The following KCNAB1 variants were observed in gnomAD, a reference collection of about 807,000 sequenced individuals.
KCNAB1 encodes the protein potassium voltage-gated channel subfamily A regulatory beta subunit 1.
KCNAB1 carries 35 observed loss-of-function variants against 64.6 expected under a neutral mutation model. The observed-to-expected ratio is 0.54, with a 90% CI of 0.41 to 0.72. The LOEUF (loss-of-function observed/expected upper bound fraction) is 0.72. Ranked by LOEUF, KCNAB1 falls within the 30% of genes least tolerant of loss-of-function variation. The probability of loss-of-function intolerance (pLI) is 0.00; values close to 1 mark genes in which losing one functional copy is unlikely to be tolerated. For synonymous variants in KCNAB1, 177 were observed against 183.8 expected (o/e 0.96, Z 0.30); for missense variants, 401 against 512.9 (o/e 0.78, Z 2.11).
chr3:156,303,582 A>G (rs1721295643), intron 1 of KCNAB1, among the ~76,000 whole-genome samples: 4 of 152,230 alleles, frequency 2.6e-5, no homozygotes, highest in African/African-American at 9.6e-5. Context: ...TTAGAATGCA[A>G]TAATGGAGGA....
chr3:156,483,971 A>G (rs1715019121), intron 8 of KCNAB1, among the ~76,000 whole-genome samples: 1 of 152,172 alleles, frequency 6.6e-6, no homozygotes, highest in Non-Finnish European at 1.5e-5. Flanking sequence ...GCTGGCTTTA[A>G]AGAAAACTAT....
At chr3:156,485,937 T>C (rs1035096838) in intron 8 of KCNAB1, among the ~76,000 whole-genome samples, 1 of 152,144 alleles carries the variant, frequency 6.6e-6, no homozygotes, top group Non-Finnish European at 1.5e-5. Flanking sequence ...TTTTTCTGTC[T>C]GCATACTATT....
At chr3:156,414,297 G>T (rs1714900152) in intron 1 of KCNAB1, among the ~76,000 whole-genome samples, 1 of 152,126 alleles carries the variant, frequency 6.6e-6, no homozygotes, top group African/African-American at 2.4e-5. Flanking sequence ...TGTGGAAAGA[G>T]CTTTAAATAA....
chr3:156,241,294 C>T (rs575429470), intron 1 of KCNAB1, among the ~76,000 whole-genome samples: 1 of 152,312 alleles, frequency 6.6e-6, no homozygotes, highest in African/African-American at 2.4e-5. Context: ...CAAATCTTCC[C>T]ATACCTCCTA....
At chr3:156,405,964 A>G (rs1217451448) in intron 1 of KCNAB1, among the ~76,000 whole-genome samples, 1 of 152,204 alleles carries the variant, frequency 6.6e-6, no homozygotes, top group Non-Finnish European at 1.5e-5. Flanking sequence ...GATTCAATAT[A>G]TGGAAGAAAA....
chr3:156,336,463 T>C (rs1318404936), intron 1 of KCNAB1, among the ~76,000 whole-genome samples: 2 of 152,210 alleles, frequency 1.3e-5, no homozygotes, highest in Non-Finnish European at 2.9e-5. Flanking sequence ...CAAATACTCT[T>C]TCAAGCTAAT....
At chr3:156,416,737 A>G (rs1715105457) in intron 1 of KCNAB1, among the ~76,000 whole-genome samples, 1 of 152,216 alleles carries the variant, frequency 6.6e-6, no homozygotes, top group Non-Finnish European at 1.5e-5. Context: ...AATTTGGTAC[A>G]TCTTCTTTGA....
intron 1 of KCNAB1, among the ~76,000 whole-genome samples, chr3:156,265,770 G>A (rs1269453601): frequency 1.3e-5 from 2 of 152,064 alleles, no homozygotes; most frequent in Non-Finnish European, 2.9e-5. Context: ...CGAGGTGGGC[G>A]GATCACGAGG....
intron 3 of KCNAB1, among the ~76,000 whole-genome samples, chr3:156,455,419 C>G (rs1390428102): frequency 6.6e-6 from 1 of 152,176 alleles, no homozygotes; most frequent in Non-Finnish European, 1.5e-5. Flanking sequence ...GATACAAACA[C>G]CAAACTCTGT....
chr3:156,240,757 C>T (rs1451145558), intron 1 of KCNAB1, among the ~76,000 whole-genome samples: 2 of 152,114 alleles, frequency 1.3e-5, no homozygotes, highest in African/African-American at 4.8e-5. Flanking sequence ...CAGCTGAAAA[C>T]TGTAATATCT....
intron 8 of KCNAB1, among the ~76,000 whole-genome samples, chr3:156,476,607 C>A (rs937830352): frequency 2.0e-5 from 3 of 151,640 alleles, no homozygotes; most frequent in African/African-American, 4.8e-5. Context: ...ATATATATAT[C>A]TCACAGTTTC....
chr3:156,333,172 A>G (rs1447743541), intron 1 of KCNAB1, among the ~76,000 whole-genome samples: 1 of 152,140 alleles, frequency 6.6e-6, no homozygotes, highest in Non-Finnish European at 1.5e-5. Flanking sequence ...ACACAGTGGG[A>G]CAAAACTTCA....
At chr3:156,264,860 G>A (rs1046049791) in intron 1 of KCNAB1, among the ~76,000 whole-genome samples, 2 of 152,146 alleles carry the variant, frequency 1.3e-5, no homozygotes, top group African/African-American at 4.8e-5. Context: ...AACATTTTCA[G>A]AGTTATCTTT....
chr3:156,443,330 G>A (rs1717143273), intron 2 of KCNAB1, among the ~76,000 whole-genome samples: 1 of 152,166 alleles, frequency 6.6e-6, no homozygotes. Context: ...AGATTGTAAA[G>A]CAGGATGTTG....
At chr3:156,171,068 A>G (rs1450774654) in intron 1 of KCNAB1, among the ~76,000 whole-genome samples, 3 of 152,058 alleles carry the variant, frequency 2.0e-5, no homozygotes, top group East Asian at 3.8e-4. Flanking sequence ...CTTTTACCCA[A>G]TTATGTATGT....
chr3:156,171,854 G>C (rs565922564), intron 1 of KCNAB1, among the ~76,000 whole-genome samples: 19 of 152,240 alleles, frequency 1.2e-4, no homozygotes, highest in African/African-American at 4.1e-4. Context: ...ATTCCATTTT[G>C]TAAGCTTATT....
At chr3:156,461,879 G>A (rs748240879) in intron 5 of KCNAB1, among the ~76,000 whole-genome samples, 4 of 152,182 alleles carry the variant, frequency 2.6e-5, no homozygotes, top group Non-Finnish European at 4.4e-5. Context: ...GCCCCCGTGA[G>A]ACTGGTGAAA....
chr3:156,354,047 A>ATATGTGTGTGTGTG (rs1553851297), intron 1 of KCNAB1, among the ~76,000 whole-genome samples: 1,407 of 137,544 alleles, frequency 0.01, 28 homozygotes, highest in African/African-American at 0.036. Context: ...GTGTATATAT[A>ATATGTGTGTGTGTG]TGTGTGTGTG....
intron 1 of KCNAB1, among the ~76,000 whole-genome samples, chr3:156,421,108 C>T (rs555961468): frequency 6.6e-6 from 1 of 151,772 alleles, no homozygotes; most frequent in Non-Finnish European, 1.5e-5. Context: ...TTTTAGAAGT[C>T]AGTTTGTTAG....
Sources: allele counts gnomAD v4.1 joint callset (sites outside exome capture counted in the v4.1 genomes callset), GRCh38; gene constraint gnomAD v4.1.1; transcripts MANE v1.5; gene names NCBI Gene and HGNC (gene_info 2026-07-23, HGNC 2026-07-21).